RBFOX1: variants seen among roughly 807,000 people sequenced by gnomAD.
RBFOX1 encodes RNA binding protein fox-1 homolog 1.
A neutral mutation model predicts 57.7 loss-of-function variants in RBFOX1; 8 were observed. The observed-to-expected ratio is 0.14, with a 90% CI of 0.08 to 0.25. RBFOX1 has a LOEUF of 0.25. Among genes scored for constraint, RBFOX1 ranks in the 10% least tolerant of loss-of-function variants. The pLI, the probability that RBFOX1 is intolerant of heterozygous loss-of-function variation, is 1.00. For missense variants in RBFOX1, 611 were observed against 548.5 expected (o/e 1.11, Z -1.14); for synonymous variants, 326 against 222.4 (o/e 1.47, Z -4.15).
intron 4 of RBFOX1, among the ~76,000 whole-genome samples, chr16:7,425,960 A>G (rs757310104): frequency 2.6e-5 from 4 of 152,212 alleles, no homozygotes; most frequent in Non-Finnish European, 5.9e-5. Context: ...TGCTGTATCC[A>G]TGAGCTCAGA....
intron 4 of RBFOX1, among the ~76,000 whole-genome samples, chr16:5,868,605 G>C (rs534075903): frequency 6.6e-6 from 1 of 152,188 alleles, no homozygotes; most frequent in South Asian, 2.1e-4. Flanking sequence ...CAGTAACTTG[G>C]TGTGCAAAGG....
intron 3 of RBFOX1, among the ~76,000 whole-genome samples, chr16:6,919,705 A>G (rs756488864): frequency 9.9e-5 from 15 of 151,336 alleles, no homozygotes; most frequent in Middle Eastern, 6.8e-3. Flanking sequence ...CAGCACTGAT[A>G]TATTGTATGT....
chr16:7,454,143 G>C (rs765309448), intron 4 of RBFOX1, among the ~76,000 whole-genome samples: 1 of 152,204 alleles, frequency 6.6e-6, no homozygotes, highest in African/African-American at 2.4e-5. Flanking sequence ...TAAGGCAGGA[G>C]AATCGCTTGA....
intron 4 of RBFOX1, among the ~76,000 whole-genome samples, chr16:5,951,934 C>T (rs144011335): frequency 1.3e-4 from 20 of 151,418 alleles, no homozygotes; most frequent in Admixed American, 1.2e-3. Flanking sequence ...TTACCAGGTA[C>T]GTCAGAATCA....
intron 4 of RBFOX1, among the ~76,000 whole-genome samples, chr16:7,471,043 A>C (rs2061462285): frequency 6.6e-6 from 1 of 152,216 alleles, no homozygotes; most frequent in Non-Finnish European, 1.5e-5. Flanking sequence ...ACAGACAGAT[A>C]ATAATAGGAG....
chr16:7,550,763 T>C lies in RBFOX1; in HGVS notation c.271-29014T>C, dbSNP rs569815754. Among the ~76,000 whole-genome samples the C allele has an allele frequency of 2.0e-5, 3 of 152,150 alleles. No homozygotes were observed. The East Asian group carries it at 5.8e-4, about 29-fold the overall frequency. ...TGCCCTGAATTTTAAAAATCCTCAG[T>C]ATCCACAATGACTACCTGTCTTCAC... On this transcript the variant is annotated intron_variant, in intron 5 of 15. Transcript: ENST00000550418.
intron 2 of RBFOX1, among the ~76,000 whole-genome samples, chr16:6,330,243 A>G (rs1354250781): frequency 1.3e-5 from 2 of 152,212 alleles, no homozygotes; most frequent in East Asian, 1.9e-4. Flanking sequence ...TTCAAAGCAC[A>G]TGGTCTTACT....
At chr16:6,353,327 T>C (rs2086718710) in intron 2 of RBFOX1, among the ~76,000 whole-genome samples, 1 of 152,000 alleles carries the variant, frequency 6.6e-6, no homozygotes, top group African/African-American at 2.4e-5. Context: ...GAGATTTCCA[T>C]TAATTTATTT....
intron 3 of RBFOX1, among the ~76,000 whole-genome samples, chr16:7,003,786 T>G (rs2093049762): frequency 6.6e-6 from 1 of 152,104 alleles, no homozygotes; most frequent in African/African-American, 2.4e-5. Flanking sequence ...TTAATAGAAC[T>G]TTTTGGGATG....
At chr16:5,838,839 C>T (rs754766580) in intron 3 of RBFOX1, among the ~76,000 whole-genome samples, 1 of 152,176 alleles carries the variant, frequency 6.6e-6, no homozygotes, top group African/African-American at 2.4e-5. Context: ...TTTTTGCAGA[C>T]TACCTCAGTG....
chr16:5,637,304 G>GC (rs1489160049), intron 3 of RBFOX1, among the ~76,000 whole-genome samples: 1 of 152,130 alleles, frequency 6.6e-6, no homozygotes, highest in African/African-American at 2.4e-5. Context: ...AGCAAACCCT[G>GC]CCCCCTACCC....
At chr16:7,404,058 A>ATTTTATTTTT (rs1195928082) in intron 4 of RBFOX1, among the ~76,000 whole-genome samples, 19 of 149,242 alleles carry the variant, frequency 1.3e-4, no homozygotes, top group African/African-American at 3.5e-4. Flanking sequence ...ATTTTATTTT[A>ATTTTATTTTT]TTTTATTTTA....
At chr16:6,954,586 C>G (rs763280481) in intron 3 of RBFOX1, among the ~76,000 whole-genome samples, 1 of 152,176 alleles carries the variant, frequency 6.6e-6, no homozygotes, top group South Asian at 2.1e-4. Context: ...AATTATGATC[C>G]TATATCCTCC....
At chr16:7,438,231 G>A (rs1052093374) in intron 4 of RBFOX1, among the ~76,000 whole-genome samples, 5 of 152,144 alleles carry the variant, frequency 3.3e-5, no homozygotes, top group Admixed American at 2.6e-4. Context: ...AGTTCTTCAT[G>A]TCCTCTCTCT....
rs562545549 is a variant in RBFOX1, at chr16:5,665,136, G to T, written c.318+66175G>T. 8.1e-4 allele frequency among the ~76,000 whole-genome samples: 115 copies of T among 142,532 alleles called. 7 individuals carry two copies. In the East Asian group the frequency reaches 0.02, roughly 24 times the overall value. The allele number at this position is 142,532 out of a possible 152,430, so 93.5% of individuals were successfully genotyped here. On this transcript the variant is annotated intron_variant, in intron 3 of 19. Coordinates refer to the RBFOX1 transcript ENST00000641259. ...AACTTTTTGATATTTTTACATGGGG[G>T]GGGGCGGTCTTGCTATATTGCCCAG...
At chr16:6,905,384 C>T (rs1299886601) in intron 3 of RBFOX1, among the ~76,000 whole-genome samples, 2 of 152,088 alleles carry the variant, frequency 1.3e-5, no homozygotes, top group South Asian at 4.2e-4. Flanking sequence ...AAAACCCCAC[C>T]TCTACTAAAA....
intron 1 of RBFOX1, among the ~76,000 whole-genome samples, chr16:5,363,619 C>A (rs958022292): frequency 1.8e-4 from 27 of 152,300 alleles, no homozygotes; most frequent in Admixed American, 1.7e-3. Context: ...ACACCTCAGA[C>A]TAGGTAGGTA....
chr16:5,719,988 A>G (rs549203588), intron 3 of RBFOX1, among the ~76,000 whole-genome samples: 2 of 152,200 alleles, frequency 1.3e-5, no homozygotes, highest in South Asian at 2.1e-4. Context: ...GGAACCACCA[A>G]TCTGTTTCCG....
At chr16:5,318,828 G>A (rs964688745) in intron 1 of RBFOX1, among the ~76,000 whole-genome samples, 1 of 152,142 alleles carries the variant, frequency 6.6e-6, no homozygotes, top group African/African-American at 2.4e-5. Context: ...AATTGCGTGA[G>A]CCCTTTAAAA....
Sources: gnomAD v4.1 joint callset for allele counts (sites outside exome capture counted in the v4.1 genomes callset) on GRCh38, gnomAD v4.1.1 for gene constraint, MANE v1.5 for transcripts, NCBI Gene and HGNC (gene_info 2026-07-23, HGNC 2026-07-21) for gene names.